The following MAGI2 variants were observed in gnomAD, a reference collection of about 807,000 sequenced individuals.
The protein encoded by MAGI2 is membrane associated guanylate kinase, WW and PDZ domain containing 2.
A neutral mutation model predicts 133.3 loss-of-function variants in MAGI2; 35 were observed. The ratio of observed to expected loss-of-function variants is 0.26; its 90% CI spans 0.20 to 0.35. The LOEUF (loss-of-function observed/expected upper bound fraction) is 0.35. MAGI2 is among the 10% of genes least tolerant of loss of function. MAGI2 has a pLI of 1.00. For synonymous variants in MAGI2, 729 were observed against 710.6 expected (o/e 1.03, Z -0.41); for missense variants, 1,636 against 1,863.4 (o/e 0.88, Z 2.25).
At chr7:78,752,947 A>AG (rs1823591773) in intron 2 of MAGI2, among the ~76,000 whole-genome samples, 1 of 152,244 alleles carries the variant, frequency 6.6e-6, no homozygotes, top group Non-Finnish European at 1.5e-5. Flanking sequence ...TGCCTACTAT[A>AG]GATAAGACAG....
intron 1 of MAGI2, among the ~76,000 whole-genome samples, chr7:79,058,459 C>T (rs972295987): frequency 1.3e-5 from 2 of 152,100 alleles, no homozygotes; most frequent in African/African-American, 4.8e-5. Context: ...GGACATGTAC[C>T]TACTCCACAG....
chr7:78,197,209 G>A (rs534176137), intron 11 of MAGI2, among the ~76,000 whole-genome samples: 1 of 152,312 alleles, frequency 6.6e-6, no homozygotes, highest in Non-Finnish European at 1.5e-5. Flanking sequence ...GATGTGGAAG[G>A]CCACATTTGT....
chr7:79,130,514 C>T (rs1014109590), intron 1 of MAGI2, among the ~76,000 whole-genome samples: 8 of 152,166 alleles, frequency 5.3e-5, no homozygotes, highest in South Asian at 2.1e-4. Context: ...GAAGCACCCA[C>T]GCATTCACAT....
At chr7:79,098,477 A>G (rs1817699551) in intron 1 of MAGI2, among the ~76,000 whole-genome samples, 1 of 152,164 alleles carries the variant, frequency 6.6e-6, no homozygotes, top group African/African-American at 2.4e-5. Context: ...TTTTGCCATT[A>G]TTAGGGCTGA....
chr7:78,228,791 A>T (rs1789664765), intron 10 of MAGI2, among the ~76,000 whole-genome samples: 1 of 152,230 alleles, frequency 6.6e-6, no homozygotes, highest in Non-Finnish European at 1.5e-5. Context: ...ATAAGAAAAG[A>T]TCTTTATGAT....
At position 79,374,484 on chromosome 7, in the gene MAGI2, A is replaced by G. The variant is rs138915204; in HGVS notation, c.301+78536T>C. Reference sequence around the variant, plus strand: ...TCAATGGGAGCATGGCCCCGCCAACACCTTGCTTTTGGACTTCTAGTCTCC... The same window carrying G: ...TCAATGGGAGCATGGCCCCGCCAACGCCTTGCTTTTGGACTTCTAGTCTCC... On this transcript the variant is annotated intron_variant, in intron 1 of 21. Transcript: ENST00000354212. 4.5e-4 allele frequency among the ~76,000 whole-genome samples: 68 copies of G among 152,068 alleles called. No homozygotes were observed. The East Asian group carries it at 0.012, about 28-fold the overall frequency.
intron 1 of MAGI2, among the ~76,000 whole-genome samples, chr7:79,427,289 G>A (rs958803587): frequency 2.0e-5 from 3 of 152,118 alleles, no homozygotes; most frequent in African/African-American, 7.2e-5. Context: ...ATGATGGGTT[G>A]ATAGGTGCAG....
intron 2 of MAGI2, among the ~76,000 whole-genome samples, chr7:78,976,589 G>C (rs1201386280): frequency 6.6e-6 from 1 of 150,910 alleles, no homozygotes; most frequent in African/African-American, 2.4e-5. Context: ...CATCATACTG[G>C]AAGTTCTATC....
intron 1 of MAGI2, among the ~76,000 whole-genome samples, chr7:79,350,908 T>C (rs1841643906): frequency 6.6e-6 from 1 of 152,142 alleles, no homozygotes; most frequent in East Asian, 1.9e-4. Context: ...GTTTAATTGA[T>C]TGTATGAAAC....
At chr7:78,305,477 ACTAT>A (rs1056112651) in intron 9 of MAGI2, among the ~76,000 whole-genome samples, 7 of 152,156 alleles carry the variant, frequency 4.6e-5, no homozygotes, top group African/African-American at 1.4e-4. Context: ...GAAATAAATG[ACTAT>A]CTGTTTAAGG....
chr7:78,922,164 T>TTTTTTA (rs903793216), intron 2 of MAGI2, among the ~76,000 whole-genome samples: 2 of 40,964 alleles, frequency 4.9e-5, no homozygotes, highest in African/African-American at 2.4e-4. Context: ...TTATTTTTTA[T>TTTTTTA]TTTTTTTTTT....
intron 2 of MAGI2, among the ~76,000 whole-genome samples, chr7:78,707,795 G>A (rs1377489704): frequency 6.6e-6 from 1 of 151,808 alleles, no homozygotes; most frequent in Non-Finnish European, 1.5e-5. Context: ...TTACTATTTG[G>A]CAAAAACATT....
At chr7:78,588,336 T>C (rs1803633663) in intron 3 of MAGI2, among the ~76,000 whole-genome samples, 1 of 152,220 alleles carries the variant, frequency 6.6e-6, no homozygotes, top group South Asian at 2.1e-4. Flanking sequence ...GTATGGGTTC[T>C]CCCCAGGAGA....
At chr7:79,358,464 A>G (rs1842168471) in intron 1 of MAGI2, among the ~76,000 whole-genome samples, 1 of 152,096 alleles carries the variant, frequency 6.6e-6, no homozygotes, top group Non-Finnish European at 1.5e-5. Context: ...AGGTAACTAG[A>G]TGCAATATAT....
intron 1 of MAGI2, among the ~76,000 whole-genome samples, chr7:79,334,158 C>T (rs1213664637): frequency 6.6e-6 from 1 of 152,104 alleles, no homozygotes; most frequent in Admixed American, 6.6e-5. Context: ...GATTCACATT[C>T]TATTTCTGCC....
intron 12 of MAGI2, 44 bp downstream of exon 12, chr7:78,194,830 C>T (rs757868570): frequency 6.9e-7 from 1 of 1,455,808 alleles, no homozygotes; most frequent in Non-Finnish European, 9.2e-7. Context: ...GGCAGGGCCT[C>T]AGCTATTATT....
chr7:78,806,005 A>G (rs1009020393), intron 2 of MAGI2, among the ~76,000 whole-genome samples: 1 of 152,190 alleles, frequency 6.6e-6, no homozygotes, highest in African/African-American at 2.4e-5. Flanking sequence ...TTGTCAGAAA[A>G]AAAAGGTTTA....
intron 1 of MAGI2, among the ~76,000 whole-genome samples, chr7:79,395,230 G>T (rs2129155808): frequency 6.6e-6 from 1 of 152,296 alleles, no homozygotes; most frequent in Non-Finnish European, 1.5e-5. Context: ...TCTTACCTTA[G>T]ATAAAGGAAT....
At chr7:78,906,396 T>G (rs117798231) in intron 2 of MAGI2, among the ~76,000 whole-genome samples, 1 of 152,228 alleles carries the variant, frequency 6.6e-6, no homozygotes, top group Non-Finnish European at 1.5e-5. Flanking sequence ...GGGTTTGCAA[T>G]AGGTAGTTGA....
Sources: gnomAD v4.1 joint callset for allele counts (sites outside exome capture counted in the v4.1 genomes callset) on GRCh38, gnomAD v4.1.1 for gene constraint, MANE v1.5 for transcripts, NCBI Gene and HGNC (gene_info 2026-07-23, HGNC 2026-07-21) for gene names.